The following MCM2 variants were observed in gnomAD, a reference collection of about 807,000 sequenced individuals.
MCM2 encodes minichromosome maintenance complex component 2, also known as DNA replication licensing factor MCM2.
A neutral mutation model predicts 86.4 loss-of-function variants in MCM2; 49 were observed. The ratio of observed to expected loss-of-function variants is 0.57; its 90% CI spans 0.45 to 0.72. The LOEUF (loss-of-function observed/expected upper bound fraction) is 0.72, where lower values mean the gene tolerates loss of function less well. Among genes scored for constraint, MCM2 ranks in the 30% least tolerant of loss-of-function variants. MCM2 has a pLI of 0.00. For missense variants in MCM2, 1,038 were observed against 1,259.9 expected, an observed-to-expected ratio of 0.82 and a Z score of 2.67; for synonymous variants, 475 against 484.6, an observed-to-expected ratio of 0.98 and a Z score of 0.26.
At chr3:127,620,214 A>G (rs1017555989) in intron 13 of MCM2, among the ~76,000 whole-genome samples, 1 of 152,196 alleles carries the variant, frequency 6.6e-6, no homozygotes, top group African/African-American at 2.4e-5. Context: ...AAGCCATGGG[A>G]ATGCCGAGTC....
In MCM2 at chr3:127,606,422, G is replaced by A. The variant is rs1353896184; in HGVS notation, c.893+85G>A. ...GATTCCTGAAGAGCGATTGTGGTGT[G>A]GGCGGGGAGGGTGCAGCCAGCAGCA... On this transcript the variant is annotated intron_variant, in intron 5 of 15. Transcript: ENST00000265056. The surrounding 1 kb of genome is among the most constrained non-coding windows in gnomAD (Gnocchi z 4.2). 1.4e-6 allele frequency: 2 copies of A among 1,390,650 alleles called. No individual in the cohort carries two copies. Among genetic ancestry groups the A allele is most frequent in the African/African-American group, 2.8e-5 (2 of 70,186 alleles). The allele number at this position is 1,390,650 out of a possible 1,614,324, so 86.1% of individuals were successfully genotyped here. A position where few individuals can be genotyped will look rare whatever the true frequency, so the allele number is the denominator to read the frequency against.
In MCM2 at chr3:127,599,366, C is replaced by T. The variant is rs1348376063; in HGVS notation, c.55C>T (p.Arg19Ter). 6 of 1,614,152 alleles carry T rather than the reference C, an allele frequency of 3.7e-6. No individual in the cohort carries two copies. Among genetic ancestry groups the T allele is most frequent in the East Asian group, 2.2e-5 (1 of 44,890 alleles). ...TMASSPAQRRRGNDPLTSSPG... is the reference protein window; with the variant it reads ...TMASSPAQRR ...GGCATCCAGCCCGGCCCAGCGTCGG[C>T]GAGGCAATGATCCTCTCACCTCCAG... Residue 19 changes from arginine to a stop codon, truncating the protein, a stop_gained, in exon 2 of 16, where the codon CGA becomes TGA. Transcript: ENST00000265056. LOFTEE classifies it high-confidence loss of function.
At position 127,605,075 on chromosome 3, in the gene MCM2, C is replaced by T. The variant is rs2074336190; in HGVS notation, c.592C>T (p.Arg198Cys). 2.5e-6 allele frequency: 4 copies of T among 1,614,014 alleles called. No individual in the cohort carries two copies. The highest frequency in any genetic ancestry group is 2.5e-6 in the Non-Finnish European group (3 of 1,180,024). Residue 198 changes from arginine (R) to cysteine (C), a missense_variant, in exon 4 of 16, where the codon CGC (arginine) becomes TGC (cysteine). Physicochemically the swap from Arg to Cys is radical, Grantham distance 180. Around this residue, in one of 4 missense-constraint regions of MCM2, gnomAD observed 300 missense variants for 307.4 expected, o/e 0.98. Coordinates refer to ENST00000265056, the MANE Select transcript of MCM2 (RefSeq NM_004526.4). Reference sequence around the variant, plus strand: ...GGGCCCCCGGCTGGAGATCCACCACCGCTTCAAGAACTTCCTGCGCACTCA... The same window carrying T: ...GGGCCCCCGGCTGGAGATCCACCACTGCTTCAAGAACTTCCTGCGCACTCA... ...MAGPRLEIHH[R>C]FKNFLRTHVD...
intron 6 of MCM2, among the ~76,000 whole-genome samples, chr3:127,607,375 G>A (rs1451982053): frequency 1.3e-5 from 2 of 152,242 alleles, no homozygotes; most frequent in Non-Finnish European, 2.9e-5. Context: ...CCATCGCTGT[G>A]GTGGCGCCCA....
At chr3:127,612,268 A>G (rs1017440535) in intron 8 of MCM2, among the ~76,000 whole-genome samples, 8 of 152,192 alleles carry the variant, frequency 5.3e-5, no homozygotes, top group African/African-American at 1.9e-4. Context: ...CTGGTAAAGT[A>G]TTAAAGAGAT....
rs1373306720 is a variant in MCM2 at position 127,622,402 on chromosome 3, G to A, written c.*629G>A. The A allele has an allele frequency of 1.3e-5, 2 of 152,152 alleles. No individual in the cohort carries two copies. The highest frequency in any genetic ancestry group is 2.9e-5 in the Non-Finnish European group (2 of 68,032). The allele number at this position is 152,152 out of a possible 1,614,324, so 9.4% of individuals were successfully genotyped here. ...TTGTGCATTCGGTTTGGTTTCTGTA[G>A]TTTTAATTTTTAATAAAGTTGAATA... On this transcript the variant is annotated 3_prime_UTR_variant, in exon 16 of 16. Coordinates refer to ENST00000265056, the MANE Select transcript of MCM2 (RefSeq NM_004526.4).
Position 127,620,830 on chromosome 3 carries a change from G to C in MCM2, c.2398G>C (p.Glu800Gln). 2 of 1,613,810 alleles carry C rather than the reference G, an allele frequency of 1.2e-6. No individual in the cohort carries two copies. Among genetic ancestry groups the C allele is most frequent in the Non-Finnish European group, 1.7e-6 (2 of 1,179,800 alleles). ...DVNMAIRVMLESFIDTQKFSV... is the reference protein window; with the variant it reads ...DVNMAIRVMLQSFIDTQKFSV... ...CAACATGGCCATCCGCGTGATGCTGGAGAGCTTCATAGACACACAGAAGTT... is the reference window on the plus strand; with the variant it reads ...CAACATGGCCATCCGCGTGATGCTGCAGAGCTTCATAGACACACAGAAGTT... The change falls in exon 14 of 16, where the codon GAG becomes CAG. Residue 800 changes from glutamate (E) to glutamine (Q), a missense_variant. By Grantham distance (29) the Glu-to-Gln change is conservative. This residue lies in a region of MCM2 where 336 missense variants were observed against 425.7 expected (regional missense o/e 0.79). Coordinates refer to ENST00000265056, the MANE Select transcript of MCM2 (RefSeq NM_004526.4).
Position 127,611,700 on chromosome 3 carries a change from T to TGAG in MCM2, c.1428+2677_1428+2678insGAG, listed in dbSNP as rs1559864733. Among the ~76,000 whole-genome samples, 145 of 118,256 alleles carry TGAG rather than the reference T, an allele frequency of 1.2e-3. 1 individual carries two copies. The highest frequency in any genetic ancestry group is 4.5e-3 in the African/African-American group (122 of 27,280). The allele number at this position is 118,256 out of a possible 152,430, so 77.6% of individuals were successfully genotyped here. ...CAGCTGACTTTTTTTTTTTTTTTTT[T>TGAG]TTTTTTTTTTTTTTTTGAGACGGAG... On this transcript the variant is annotated intron_variant, in intron 8 of 15. Transcript: ENST00000265056.
chr3:127,621,283 G>T, intron 15 of MCM2, 55 bp downstream of exon 15: 2 of 1,599,092 alleles, frequency 1.3e-6, no homozygotes, highest in Non-Finnish European at 1.7e-6. Context: ...GGAGCTGCCA[G>T]TCTCCTGATG....
chr3:127,619,096 G>T lies in MCM2; in HGVS notation c.2083G>T (p.Gly695Trp). ...RHHPSNKEEEGLANGSAAEPA... is the reference protein window; with the variant it reads ...RHHPSNKEEEWLANGSAAEPA... ...CCACCCCAGCAACAAGGAGGAGGAGGGGCTGGCCAATGGCAGCGCTGCTGA... is the reference window on the plus strand; with the variant it reads ...CCACCCCAGCAACAAGGAGGAGGAGTGGCTGGCCAATGGCAGCGCTGCTGA... Residue 695 changes from glycine to tryptophan, a missense_variant, in exon 13 of 16, where the codon GGG becomes TGG. This residue lies in a region of MCM2 where 336 missense variants were observed against 425.7 expected (regional missense o/e 0.79). Coordinates refer to ENST00000265056, the MANE Select transcript of MCM2 (RefSeq NM_004526.4). The T allele has an allele frequency of 6.2e-7, 1 of 1,613,356 alleles. No individual in the cohort carries two copies. Among genetic ancestry groups the T allele is most frequent in the South Asian group, 1.1e-5 (1 of 91,032 alleles).
Position 127,617,510 on chromosome 3 carries a change from C to T in MCM2, c.1900+105C>T. ...TCCCCAGGAGCCGATCTGAGGAAGT[C>T]ATTGTGCAGCAGAGGGTTCCCCTCT... On this transcript the variant is annotated intron_variant, in intron 11 of 15. Transcript: ENST00000265056. This position sits in a 1 kb window ranked among gnomAD's most constrained non-coding sequence, Gnocchi z 4.1. 7.2e-7 allele frequency: 1 copy of T among 1,384,274 alleles called. No homozygotes were observed. The highest frequency in any genetic ancestry group is 9.6e-7 in the Non-Finnish European group (1 of 1,036,698). 85.7% of individuals were successfully genotyped at this position (1,384,274 alleles called of 1,614,324 possible). A position where few individuals can be genotyped will look rare whatever the true frequency, so the allele number is the denominator to read the frequency against.
rs1266158173 is a variant in MCM2 at position 127,612,767 on chromosome 3, CTG to C, written c.1429-3094_1429-3093del. On this transcript the variant is annotated intron_variant, in intron 8 of 15. Coordinates refer to ENST00000265056, the MANE Select transcript of MCM2 (RefSeq NM_004526.4). ...TATCCCTGTTTGCTGGGTGCGGAGA[CTG>C]AGGAGTGCTAGGAAGCAGCACACCT... Among the ~76,000 whole-genome samples the C allele has an allele frequency of 2.0e-5, 3 of 152,164 alleles. No individual in the cohort carries two copies. The East Asian group carries it at 5.8e-4, about 29-fold the overall frequency.
intron 8 of MCM2, among the ~76,000 whole-genome samples, chr3:127,613,395 A>G (rs148026725): frequency 1.4e-4 from 22 of 152,326 alleles, no homozygotes; most frequent in Non-Finnish European, 2.4e-4. Context: ...TAAGAGAGTC[A>G]TTATACTTAC....
chr3:127,606,064 C>A lies in MCM2; in HGVS notation c.674-54C>A. On this transcript the variant is annotated intron_variant, in intron 4 of 15. Coordinates refer to ENST00000265056, the MANE Select transcript of MCM2 (RefSeq NM_004526.4). This position sits in a 1 kb window ranked among gnomAD's most constrained non-coding sequence, Gnocchi z 4.2. ...GCTTCTCACACAGGCATTGTTGCAG[C>A]CCAGCCCAGGCCTCATGCTTAGTTA... 1 of 1,424,368 alleles carries A rather than the reference C, an allele frequency of 7.0e-7. No homozygotes were observed. Among genetic ancestry groups the A allele is most frequent in the Non-Finnish European group, 9.9e-7 (1 of 1,010,940 alleles). 88.2% of individuals were successfully genotyped at this position (1,424,368 alleles called of 1,614,324 possible).
At chr3:127,616,091 G>A (rs935689663) in intron 9 of MCM2, 136 bp downstream of exon 9, 14 of 715,056 alleles carry the variant, frequency 2.0e-5, no homozygotes, top group African/African-American at 1.2e-4. Flanking sequence ...CTGGCTGGGC[G>A]TGACTCATTC....
chr3:127,604,749 G>A lies in MCM2; in HGVS notation c.378G>A (p.Arg126=), dbSNP rs2257836. 0.012 allele frequency: 19,652 copies of A among 1,606,052 alleles called. 2,047 individuals are homozygous for A. The East Asian group carries it at 0.29, about 24-fold the overall frequency. ...GGCAGCGTGACCGGGAGGCTGGCCG[G>A]GGCCTGGGCCGCATGCGCCGTGGGC... is the stretch of plus-strand genomic sequence containing the variant. The part of the protein sequence containing the change: ...AMRQRDREAG[R]GLGRMRRGLL... The change falls in exon 3 of 16, where the codon CGG becomes CGA. Residue 126 remains arginine (R), a synonymous_variant. Coordinates refer to ENST00000265056, the MANE Select transcript of MCM2 (RefSeq NM_004526.4).
intron 15 of MCM2, 35 bp downstream of exon 15, chr3:127,621,263 T>C: frequency 6.2e-7 from 1 of 1,610,356 alleles, no homozygotes; most frequent in Non-Finnish European, 8.5e-7. Context: ...GGTTGGGGTA[T>C]GCTGACTTGG....
chr3:127,608,702 G>A, intron 7 of MCM2, 130 bp from the exon 8 acceptor site: 1 of 1,188,208 alleles, frequency 8.4e-7, no homozygotes, highest in Non-Finnish European at 1.2e-6. Flanking sequence ...TTTAGGAGGG[G>A]TTTTACTGAG....
At position 127,605,009 on chromosome 3, in the gene MCM2, G is replaced by C. The variant is rs760479109; in HGVS notation, c.526G>C (p.Asp176His). Reference protein sequence around the residue: ...EMIESIENLEDLKGHSVREWV... With the variant: ...EMIESIENLEHLKGHSVREWV... Reference sequence around the variant, plus strand: ...GATCGAGAGCATCGAGAACCTGGAGGATCTCAAAGGCCACTCTGTGCGCGA... The same window carrying C: ...GATCGAGAGCATCGAGAACCTGGAGCATCTCAAAGGCCACTCTGTGCGCGA... Residue 176 changes from aspartate to histidine, a missense_variant, in exon 4 of 16, where the codon GAT becomes CAT. Coordinates refer to ENST00000265056, the MANE Select transcript of MCM2 (RefSeq NM_004526.4). 5 of 1,613,934 alleles carry C rather than the reference G, an allele frequency of 3.1e-6. No homozygotes were observed. In the African/African-American group the frequency reaches 5.3e-5, roughly 17 times the overall value.
Sources: allele counts gnomAD v4.1 joint callset (sites outside exome capture counted in the v4.1 genomes callset), GRCh38; gene constraint gnomAD v4.1.1; regional missense constraint gnomAD v4.1.1; non-coding constraint Gnocchi (gnomAD v3.1); transcripts MANE v1.5; gene names NCBI Gene and HGNC (gene_info 2026-07-23, HGNC 2026-07-21).